SLC24A2: variants seen among roughly 807,000 people sequenced by gnomAD.
SLC24A2 encodes sodium/potassium/calcium exchanger 2.
A neutral mutation model predicts 62.0 loss-of-function variants in SLC24A2; 36 were observed. That is an observed-to-expected ratio of 0.58 (90% CI 0.44 to 0.77). SLC24A2 has a LOEUF of 0.77. SLC24A2 is among the 30% of genes least tolerant of loss of function. SLC24A2 has a pLI of 0.00. For synonymous variants in SLC24A2, 358 were observed against 294.0 expected, an observed-to-expected ratio of 1.22 and a Z score of -2.23; for missense variants, 846 against 817.9, an observed-to-expected ratio of 1.03 and a Z score of -0.42.
chr9:19,580,486 G>A (rs757381523), intron 5 of SLC24A2, among the ~76,000 whole-genome samples: 3 of 152,206 alleles, frequency 2.0e-5, no homozygotes, highest in Admixed American at 1.3e-4. Context: ...AGGCTAACAG[G>A]ATATATGTGA....
intron 2 of SLC24A2, among the ~76,000 whole-genome samples, chr9:19,662,186 A>G (rs1016230336): frequency 1.3e-5 from 2 of 152,268 alleles, no homozygotes; most frequent in East Asian, 1.9e-4. Flanking sequence ...TTTTAAAGAC[A>G]TATTTAACAT....
At chr9:19,978,058 A>C in the SLC24A2 span, among the ~76,000 whole-genome samples, 1 of 152,218 alleles carries the variant, frequency 6.6e-6, no homozygotes, top group Non-Finnish European at 1.5e-5. Flanking sequence ...CGGGATAAAT[A>C]GATGGGTGTT....
At chr9:19,618,576 A>G (rs994251136) in intron 4 of SLC24A2, among the ~76,000 whole-genome samples, 4 of 152,172 alleles carry the variant, frequency 2.6e-5, no homozygotes, top group Admixed American at 2.0e-4. Context: ...CTTGGGAGCC[A>G]CTCTTGGGTC....
At chr9:20,118,908 G>T in the SLC24A2 span, among the ~76,000 whole-genome samples, 1 of 152,098 alleles carries the variant, frequency 6.6e-6, no homozygotes, top group Non-Finnish European at 1.5e-5. Flanking sequence ...GTCAAAGGTG[G>T]TGAGATGTCA....
chr9:20,020,101 G>A, the SLC24A2 span, among the ~76,000 whole-genome samples: 1 of 152,310 alleles, frequency 6.6e-6, no homozygotes, highest in East Asian at 1.9e-4. Context: ...GGACAAATAG[G>A]AACGCTCTTA....
chr9:20,280,258 T>C, the SLC24A2 span, among the ~76,000 whole-genome samples: 3 of 152,318 alleles, frequency 2.0e-5, no homozygotes, highest in East Asian at 3.9e-4. Flanking sequence ...GGAATACAAA[T>C]TACACCACAG....
chr9:19,553,760 T>G (rs930901998), intron 7 of SLC24A2, among the ~76,000 whole-genome samples: 1 of 152,220 alleles, frequency 6.6e-6, no homozygotes, highest in African/African-American at 2.4e-5. Flanking sequence ...CATTTAATTC[T>G]AGGACTCCTG....
chr9:20,007,495 T>C, the SLC24A2 span, among the ~76,000 whole-genome samples: 1 of 152,266 alleles, frequency 6.6e-6, no homozygotes, highest in Admixed American at 6.5e-5. Flanking sequence ...TTTATATAAA[T>C]GGTGTATACA....
the SLC24A2 span, among the ~76,000 whole-genome samples, chr9:20,298,233 T>A: frequency 2.0e-5 from 3 of 152,214 alleles, no homozygotes; most frequent in Admixed American, 1.3e-4. Flanking sequence ...ATTAATTTTC[T>A]TTTTTATTTT....
upstream of SLC24A2, among the ~76,000 whole-genome samples, chr9:19,792,897 T>G (rs376149659): frequency 6.6e-6 from 1 of 152,228 alleles, no homozygotes; most frequent in Non-Finnish European, 1.5e-5. Context: ...AGCACACTTA[T>G]GAAGTATTCA....
At chr9:20,221,976 G>C in the SLC24A2 span, among the ~76,000 whole-genome samples, 15 of 152,050 alleles carry the variant, frequency 9.9e-5, no homozygotes, top group Middle Eastern at 0.014. Context: ...AGTGAGAACA[G>C]AAAATAAATA....
At chr9:19,729,830 AAT>A (rs1410146292) in intron 2 of SLC24A2, among the ~76,000 whole-genome samples, 8 of 152,128 alleles carry the variant, frequency 5.3e-5, no homozygotes, top group Admixed American at 2.6e-4. Context: ...TATAGTTAAA[AAT>A]ATGTTAGATA....
At chr9:19,794,596 T>TAA in the SLC24A2 span, among the ~76,000 whole-genome samples, 4,182 of 143,970 alleles carry the variant, frequency 0.029, 102 homozygotes, top group Non-Finnish European at 0.043. Context: ...GTTGGAAAGT[T>TAA]AAAAAAAAAA....
intron 7 of SLC24A2, among the ~76,000 whole-genome samples, chr9:19,552,906 A>T (rs1834915465): frequency 1.3e-5 from 2 of 152,216 alleles, no homozygotes; most frequent in Non-Finnish European, 2.9e-5. Flanking sequence ...AATGCAAACA[A>T]TTAACTATAT....
the SLC24A2 span, among the ~76,000 whole-genome samples, chr9:20,001,071 A>G: frequency 2.0e-5 from 3 of 152,218 alleles, no homozygotes; most frequent in Non-Finnish European, 2.9e-5. Flanking sequence ...TTTAAAAATA[A>G]ACAATCAAAT....
At chr9:20,226,503 G>C in the SLC24A2 span, among the ~76,000 whole-genome samples, 4 of 152,100 alleles carry the variant, frequency 2.6e-5, no homozygotes, top group Admixed American at 6.6e-5. Context: ...CACAACATGT[G>C]GGTTGTGACC....
At chr9:20,229,396 A>G in the SLC24A2 span, among the ~76,000 whole-genome samples, 1 of 152,152 alleles carries the variant, frequency 6.6e-6, no homozygotes, top group Non-Finnish European at 1.5e-5. Flanking sequence ...AATATATATA[A>G]AGAACTTACA....
At chr9:20,213,248 C>A in the SLC24A2 span, among the ~76,000 whole-genome samples, 10 of 151,720 alleles carry the variant, frequency 6.6e-5, no homozygotes, top group Non-Finnish European at 1.2e-4. Flanking sequence ...AGCAACTTTT[C>A]ATTTAAAGAA....
chr9:20,006,156 T>A, the SLC24A2 span, among the ~76,000 whole-genome samples: 8 of 151,532 alleles, frequency 5.3e-5, no homozygotes, highest in Admixed American at 5.3e-4. Context: ...TATATATACC[T>A]ACTTTTCATA....
Sources: allele counts gnomAD v4.1 joint callset (sites outside exome capture counted in the v4.1 genomes callset), GRCh38; gene constraint gnomAD v4.1.1; transcripts MANE v1.5; gene names NCBI Gene and HGNC (gene_info 2026-07-23, HGNC 2026-07-21).